ITPR2: variants seen among roughly 807,000 people sequenced by gnomAD.
ITPR2 encodes the protein inositol 1,4,5-trisphosphate-gated calcium channel ITPR2.
In ITPR2, 207 loss-of-function variants were observed where a neutral mutation model predicts 317.1. That is an observed-to-expected ratio of 0.65 (90% CI 0.58 to 0.73). The LOEUF (loss-of-function observed/expected upper bound fraction) is 0.73. Ranked by LOEUF, ITPR2 falls within the 30% of genes least tolerant of loss-of-function variation. The probability of loss-of-function intolerance (pLI) is 0.00; values close to 1 mark genes in which losing one functional copy is unlikely to be tolerated. For missense variants in ITPR2, 2,613 were observed against 3,284.0 expected, an observed-to-expected ratio of 0.80 and a Z score of 4.99; for synonymous variants, 1,156 against 1,149.1, an observed-to-expected ratio of 1.01 and a Z score of -0.12.
In ITPR2 at chr12:26,580,070, C is replaced by T; in HGVS notation, c.4466G>A (p.Gly1489Asp). 4 of 1,611,768 alleles carry T rather than the reference C, an allele frequency of 2.5e-6. No homozygotes were observed. Among genetic ancestry groups the T allele is most frequent in the Non-Finnish European group, 3.4e-6 (4 of 1,178,222 alleles). ...GTCTGAAAAGGGAGAATTAAAGAAGCCGCTCACAATATTCATTATTGACTC... is the reference window on the plus strand; with the variant it reads ...GTCTGAAAAGGGAGAATTAAAGAAGTCGCTCACAATATTCATTATTGACTC... ...VTESIMNIVS[G>D]FFNSPFSDNS... Residue 1489 changes from glycine (G) to aspartate (D), a missense_variant, in exon 33 of 57, where the codon GGC becomes GAC. Physicochemically the swap from Gly to Asp is moderately conservative, Grantham distance 94 (BLOSUM62 -1). Around this residue, in one of 9 missense-constraint regions of ITPR2, gnomAD observed 926 missense variants for 1,072.8 expected, o/e 0.86. Coordinates refer to ENST00000381340, the MANE Select transcript of ITPR2 (RefSeq NM_002223.4).
chr12:26,681,855 G>C lies in ITPR2; in HGVS notation c.1409+19C>G. ...TGACAACTGACTCGTGATTATTTAA[G>C]ACCAATTTAAAGAGTTACCTCCTTT... On this transcript the variant is annotated intron_variant, in intron 13 of 56. Coordinates refer to ENST00000381340, the MANE Select transcript of ITPR2 (RefSeq NM_002223.4). 6.6e-7 allele frequency: 1 copy of C among 1,521,678 alleles called. No homozygotes were observed. Among genetic ancestry groups the C allele is most frequent in the South Asian group, 1.1e-5 (1 of 87,298 alleles). The allele number at this position is 1,521,678 out of a possible 1,614,324, so 94.3% of individuals were successfully genotyped here.
chr12:26,832,919 G>A lies in ITPR2; in HGVS notation c.-138C>T, dbSNP rs979506658. The A allele has an allele frequency of 3.0e-6, 2 of 662,256 alleles. No homozygotes were observed. The highest frequency in any genetic ancestry group is 1.7e-5 in the South Asian group (1 of 59,362). The allele number at this position is 662,256 out of a possible 1,614,324, so 41.0% of individuals were successfully genotyped here. A position where few individuals can be genotyped will look rare whatever the true frequency, so the allele number is the denominator to read the frequency against. ...AGAGCCGCGGCGGAGGGCACGGCCC[G>A]AGCCACTGAGCGTCGCGGCTCAGCC... is the stretch of plus-strand genomic sequence containing the variant. On this transcript the variant is annotated 5_prime_UTR_variant, in exon 1 of 57. Transcript: ENST00000381340.
chr12:26,420,071 T>C (rs952449453), intron 49 of ITPR2, among the ~76,000 whole-genome samples: 4 of 152,290 alleles, frequency 2.6e-5, no homozygotes, highest in South Asian at 4.1e-4. Flanking sequence ...TGTGGCATAA[T>C]TTTGGAATGT....
intron 48 of ITPR2, among the ~76,000 whole-genome samples, chr12:26,435,026 C>A (rs1941316446): frequency 6.6e-6 from 1 of 152,092 alleles, no homozygotes; most frequent in Admixed American, 6.5e-5. Flanking sequence ...CTATTTAACT[C>A]ATACATCCAC....
At chr12:26,550,440 T>C in intron 36 of ITPR2, 85 bp from the exon 37 acceptor site, 5 of 661,068 alleles carry the variant, frequency 7.6e-6, no homozygotes, top group Non-Finnish European at 1.3e-5. Flanking sequence ...GGGGAAAAAA[T>C]TTACACAATT....
chr12:26,663,754 G>A lies in ITPR2; in HGVS notation c.1644C>T (p.Pro548=), dbSNP rs1213543466. 6.2e-7 allele frequency: 1 copy of A among 1,613,950 alleles called. No homozygotes were observed. Among genetic ancestry groups the A allele is most frequent in the Non-Finnish European group, 8.5e-7 (1 of 1,179,980 alleles). ...LEDLGDQRYA[P]YKYMLRLCYR... is the part of the protein sequence containing the mutation. ...AACAGAGCCGCAGCATGTACTTGTA[G>A]GGTGCATATCTTTGATCCCCCAGAT... Residue 548 remains proline, a synonymous_variant, in exon 15 of 57, where the codon CCC becomes CCT. Transcript: ENST00000381340.
At chr12:26,415,941 G>A (rs1441861889) in intron 50 of ITPR2, among the ~76,000 whole-genome samples, 3 of 152,134 alleles carry the variant, frequency 2.0e-5, no homozygotes, top group Non-Finnish European at 4.4e-5. Context: ...CCTGAGTGAT[G>A]AACAATTGAC....
intron 37 of ITPR2, among the ~76,000 whole-genome samples, chr12:26,499,969 T>C (rs1350411033): frequency 6.6e-6 from 1 of 152,210 alleles, no homozygotes; most frequent in African/African-American, 2.4e-5. Flanking sequence ...AGACAAACTC[T>C]GGTGCTAAAA....
intron 2 of ITPR2, among the ~76,000 whole-genome samples, chr12:26,775,931 T>TAC (rs1321270857): frequency 9.9e-5 from 5 of 50,644 alleles, no homozygotes; most frequent in African/African-American, 2.3e-4. Context: ...AACTCCCCTT[T>TAC]ACATATATAT....
intron 2 of ITPR2, among the ~76,000 whole-genome samples, chr12:26,746,004 T>G (rs1465512556): frequency 1.3e-5 from 2 of 152,180 alleles, no homozygotes; most frequent in Non-Finnish European, 2.9e-5. Context: ...CTTGTTGTTC[T>G]TTAATTATTT....
intron 45 of ITPR2, among the ~76,000 whole-genome samples, chr12:26,453,931 G>C (rs1409155159): frequency 2.0e-5 from 3 of 152,010 alleles, no homozygotes; most frequent in African/African-American, 4.8e-5. Flanking sequence ...ATTTTGTTTT[G>C]TTTACTGTTG....
intron 2 of ITPR2, among the ~76,000 whole-genome samples, chr12:26,782,919 G>A (rs935771797): frequency 6.6e-6 from 1 of 152,202 alleles, no homozygotes; most frequent in African/African-American, 2.4e-5. Flanking sequence ...TGGGCTGAGA[G>A]TGCAGAATCA....
intron 54 of ITPR2, among the ~76,000 whole-genome samples, chr12:26,391,240 T>C (rs1939825320): frequency 6.6e-6 from 1 of 152,222 alleles, no homozygotes; most frequent in Admixed American, 6.5e-5. Context: ...AGGAAATAGA[T>C]TCAGAATGAT....
rs80065729 is a variant in ITPR2 at position 26,377,817 on chromosome 12, C to T, written c.7857+9617G>A. Among the ~76,000 whole-genome samples the T allele has an allele frequency of 2.2e-4, 34 of 152,316 alleles. No homozygotes were observed. In the East Asian group the frequency reaches 6.4e-3, roughly 28 times the overall value. The stretch of plus-strand genomic sequence containing the variant: ...ATAAGATAACACGCAAAGTTGCTAA[C>T]ACATATCATATCCTTAATTCGTTTC... On this transcript the variant is annotated intron_variant, in intron 55 of 56. Coordinates refer to ENST00000381340, the MANE Select transcript of ITPR2 (RefSeq NM_002223.4).
At chr12:26,485,682 T>C (rs1942649813) in intron 41 of ITPR2, among the ~76,000 whole-genome samples, 1 of 152,214 alleles carries the variant, frequency 6.6e-6, no homozygotes, top group African/African-American at 2.4e-5. Context: ...AATGAAGACA[T>C]ACAAATATAC....
chr12:26,383,080 G>C (rs1465973793), intron 55 of ITPR2, among the ~76,000 whole-genome samples: 2 of 152,080 alleles, frequency 1.3e-5, no homozygotes, highest in African/African-American at 4.8e-5. Flanking sequence ...CTACAGTAAG[G>C]AGTGATTTCT....
intron 37 of ITPR2, among the ~76,000 whole-genome samples, chr12:26,509,556 G>T (rs1337624832): frequency 6.6e-6 from 1 of 152,102 alleles, no homozygotes; most frequent in African/African-American, 2.4e-5. Context: ...ATAAAGTTCT[G>T]CATTTAGGTG....
chr12:26,797,014 G>A (rs1169154851), intron 1 of ITPR2, among the ~76,000 whole-genome samples: 1 of 152,084 alleles, frequency 6.6e-6, no homozygotes, highest in Non-Finnish European at 1.5e-5. Context: ...TCTAGTCCGG[G>A]CGACAGAATG....
intron 1 of ITPR2, among the ~76,000 whole-genome samples, chr12:26,820,393 C>T (rs1294857499): frequency 6.6e-6 from 1 of 152,046 alleles, no homozygotes; most frequent in Non-Finnish European, 1.5e-5. Context: ...TGGAGCCAAG[C>T]GCTTTGAGAT....
Sources: allele counts gnomAD v4.1 joint callset (sites outside exome capture counted in the v4.1 genomes callset), GRCh38; gene constraint gnomAD v4.1.1; regional missense constraint gnomAD v4.1.1; transcripts MANE v1.5; gene names NCBI Gene and HGNC (gene_info 2026-07-23, HGNC 2026-07-21).